FREM2: variants seen among roughly 807,000 people sequenced by gnomAD.
The protein encoded by FREM2 is FRAS1-related extracellular matrix protein 2.
FREM2 carries 119 observed loss-of-function variants against 219.9 expected under a neutral mutation model. That is an observed-to-expected ratio of 0.54 (90% CI 0.47 to 0.63). FREM2 has a LOEUF of 0.63. Among genes scored for constraint, FREM2 ranks in the 30% least tolerant of loss-of-function variants. The pLI is 0.00. For synonymous variants in FREM2, 1,562 were observed against 1,522.8 expected (o/e 1.03, Z -0.60); for missense variants, 4,030 against 3,993.6 (o/e 1.01, Z -0.25).
At chr13:38,724,863 T>A (rs903158235) in intron 2 of FREM2, among the ~76,000 whole-genome samples, 2 of 152,180 alleles carry the variant, frequency 1.3e-5, no homozygotes, top group African/African-American at 4.8e-5. Flanking sequence ...ATTCTGAGAT[T>A]TACCTTAATT....
In FREM2 at chr13:38,857,991, G is replaced by C. The variant is rs1024087030; in HGVS notation, c.7173G>C (p.Glu2391Asp). The C allele has an allele frequency of 6.2e-7, 1 of 1,613,938 alleles. No homozygotes were observed. The highest frequency in any genetic ancestry group is 1.3e-5 in the African/African-American group (1 of 74,902). Residue 2391 changes from glutamate (E) to aspartate (D), a missense_variant, in exon 13 of 24, where the codon GAG (glutamate) becomes GAC (aspartate). Transcript: ENST00000280481. ...LMYDDTSKAK[E>D]SAEPMSGYPV... The stretch of plus-strand genomic sequence containing the variant: ...ATGACGACACTTCCAAAGCTAAGGA[G>C]AGTGCTGAACCCATGTCTGGCTATC...
rs1382430818 is a variant in FREM2 at position 38,880,794 on chromosome 13, C to T, written c.*7C>T. Reference sequence around the variant, plus strand: ...TGACAGCTCAGAAGTTTGATGACTGCAGGTAGAATTCAACCTTTTCCGTAA... The same window carrying T: ...TGACAGCTCAGAAGTTTGATGACTGTAGGTAGAATTCAACCTTTTCCGTAA... On this transcript the variant is annotated 3_prime_UTR_variant, in exon 24 of 24. Transcript: ENST00000280481. 1 of 1,613,822 alleles carries T rather than the reference C, an allele frequency of 6.2e-7. No homozygotes were observed. The highest frequency in any genetic ancestry group is 2.2e-5 in the East Asian group (1 of 44,896).
chr13:38,866,242 C>G (rs190318082), intron 16 of FREM2, among the ~76,000 whole-genome samples: 143 of 152,230 alleles, frequency 9.4e-4, no homozygotes, highest in African/African-American at 3.3e-3. Flanking sequence ...TGCCTGTAAT[C>G]CCAGCACTTT....
intron 6 of FREM2, among the ~76,000 whole-genome samples, chr13:38,813,169 A>G (rs1351432599): frequency 2.0e-5 from 3 of 151,882 alleles, no homozygotes; most frequent in Admixed American, 6.6e-5. Flanking sequence ...GTTCCTTCAG[A>G]TGATTTCTTC....
At chr13:38,697,469 A>G (rs933310865) in intron 1 of FREM2, among the ~76,000 whole-genome samples, 5 of 152,230 alleles carry the variant, frequency 3.3e-5, no homozygotes, top group African/African-American at 7.2e-5. Flanking sequence ...TGCTATTATT[A>G]TAAACTAACT....
chr13:38,829,645 C>CTT (rs201951171), intron 6 of FREM2, among the ~76,000 whole-genome samples: 1 of 140,530 alleles, frequency 7.1e-6, no homozygotes, highest in African/African-American at 2.6e-5. Flanking sequence ...TTATTATATC[C>CTT]TTTTTTTTTT....
At chr13:38,827,448 A>T (rs1394586119) in intron 6 of FREM2, 1 of 152,168 alleles carries the variant, frequency 6.6e-6, no homozygotes, top group Admixed American at 6.6e-5. Flanking sequence ...ACTTTTGAAT[A>T]GAAACTTGGG....
At position 38,863,159 on chromosome 13, in the gene FREM2, C is replaced by T. The variant is rs551529003; in HGVS notation, c.7652-1116C>T. On this transcript the variant is annotated intron_variant, in intron 15 of 23. Coordinates refer to ENST00000280481, the MANE Select transcript of FREM2 (RefSeq NM_207361.6). The stretch of plus-strand genomic sequence containing the variant: ...CCACCTCCCGGGTTCAAGCGATTCT[C>T]ATGCCTCAGCCTCCTAAGTAGCTGG... Among the ~76,000 whole-genome samples the T allele has an allele frequency of 3.9e-5, 6 of 152,282 alleles. No homozygotes were observed. The East Asian group carries it at 9.7e-4, about 25-fold the overall frequency.
intron 6 of FREM2, among the ~76,000 whole-genome samples, chr13:38,788,425 T>A (rs924495191): frequency 6.6e-6 from 1 of 152,110 alleles, no homozygotes; most frequent in Non-Finnish European, 1.5e-5. Flanking sequence ...CCCCACAGAA[T>A]CCTTTTGGTT....
At chr13:38,806,492 C>T (rs903558375) in intron 6 of FREM2, among the ~76,000 whole-genome samples, 6 of 151,930 alleles carry the variant, frequency 3.9e-5, no homozygotes, top group East Asian at 2.0e-4. Context: ...TCATTTTCCC[C>T]GGCATGTAAA....
rs1296933461 is a variant in FREM2 at position 38,885,074 on chromosome 13, T to C, written c.*4287T>C. The C allele has an allele frequency of 6.6e-6, 1 of 152,208 alleles. No individual in the cohort carries two copies. The highest frequency in any genetic ancestry group is 2.4e-5 in the African/African-American group (1 of 41,468). 9.4% of individuals were successfully genotyped at this position (152,208 alleles called of 1,614,324 possible). ...CCCTTAATGTTGATTTCTCCCCTTT[T>C]CCATGGATTTTGATACTAAGAAACA... On this transcript the variant is annotated 3_prime_UTR_variant, in exon 24 of 24. Transcript: ENST00000280481.
chr13:38,857,627 T>TG (rs1445707558), intron 12 of FREM2, among the ~76,000 whole-genome samples: 1 of 152,208 alleles, frequency 6.6e-6, no homozygotes, highest in Non-Finnish European at 1.5e-5. Flanking sequence ...CATGGGCCGC[T>TG]GGCCAACCTT....
At chr13:38,835,145 C>T (rs970684673) in intron 6 of FREM2, among the ~76,000 whole-genome samples, 2 of 152,012 alleles carry the variant, frequency 1.3e-5, no homozygotes, top group South Asian at 2.1e-4. Context: ...GGAAGGAGTC[C>T]GGTTTCAGTT....
chr13:38,767,414 G>A (rs1457751755), intron 3 of FREM2, among the ~76,000 whole-genome samples: 4 of 152,144 alleles, frequency 2.6e-5, no homozygotes, highest in Admixed American at 6.5e-5. Context: ...CTTGACTATC[G>A]TGCAGGAAGG....
At chr13:38,808,282 C>CA (rs1566149647) in intron 6 of FREM2, among the ~76,000 whole-genome samples, 1 of 152,032 alleles carries the variant, frequency 6.6e-6, no homozygotes, top group Admixed American at 6.5e-5. Context: ...CCCAACCACT[C>CA]AAACTTTCTC....
chr13:38,801,538 C>T (rs1419801230), intron 6 of FREM2, among the ~76,000 whole-genome samples: 2 of 152,020 alleles, frequency 1.3e-5, no homozygotes, highest in African/African-American at 4.8e-5. Flanking sequence ...GGAGAGGGTG[C>T]ATTACCTTTG....
At chr13:38,767,922 A>G (rs896913955) in intron 3 of FREM2, among the ~76,000 whole-genome samples, 1 of 152,208 alleles carries the variant, frequency 6.6e-6, no homozygotes, top group African/African-American at 2.4e-5. Flanking sequence ...TTTTAATAAA[A>G]TCTTTTTCAT....
At chr13:38,751,864 CTGTGTGTGTG>C (rs59365871) in intron 2 of FREM2, among the ~76,000 whole-genome samples, 4 of 130,238 alleles carry the variant, frequency 3.1e-5, no homozygotes, top group Admixed American at 7.3e-5. Context: ...TGTACTTACT[CTGTGTGTGTG>C]TGTGTGTGTG....
In FREM2 at chr13:38,687,983, A is replaced by G; in HGVS notation, c.639A>G (p.Thr213=). ...RSLEFAFQPE[T]EECRVGILSG... is the part of the protein sequence containing the mutation. ...TGGAGTTCGCCTTCCAGCCCGAGAC[A>G]GAGGAGTGCCGCGTGGGCATCCTGT... Residue 213 remains threonine (T), a synonymous_variant, in exon 1 of 24, where the codon ACA becomes ACG. Transcript: ENST00000280481. 1 of 1,612,940 alleles carries G rather than the reference A, an allele frequency of 6.2e-7. No individual in the cohort carries two copies. Among genetic ancestry groups the G allele is most frequent in the African/African-American group, 1.3e-5 (1 of 75,048 alleles).
Sources: allele counts gnomAD v4.1 joint callset (sites outside exome capture counted in the v4.1 genomes callset), GRCh38; gene constraint gnomAD v4.1.1; transcripts MANE v1.5; gene names NCBI Gene and HGNC (gene_info 2026-07-23, HGNC 2026-07-21).